RBMS3: variants seen among roughly 807,000 people sequenced by gnomAD.
RBMS3 encodes RNA binding motif single stranded interacting protein 3, also known as RNA-binding motif, single-stranded-interacting protein 3.
Under a neutral mutation model 66.8 loss-of-function variants are expected in RBMS3, and 27 were observed. That is an observed-to-expected ratio of 0.40 (90% confidence interval 0.30 to 0.56). The LOEUF is 0.56. Among genes scored for constraint, RBMS3 ranks in the 20% least tolerant of loss-of-function variants. RBMS3 has a pLI of 0.40. For missense variants in RBMS3, 513 were observed against 549.5 expected, an observed-to-expected ratio of 0.93 and a Z score of 0.66; for synonymous variants, 188 against 183.0, an observed-to-expected ratio of 1.03 and a Z score of -0.22.
intron 1 of RBMS3, among the ~76,000 whole-genome samples, chr3:29,301,483 A>T (rs2125446456): frequency 6.6e-6 from 1 of 152,132 alleles, no homozygotes; most frequent in South Asian, 2.1e-4. Flanking sequence ...GTTATTTTCC[A>T]GGTTTTAGTT....
At chr3:29,793,237 AAAAAGAAAAAGG>A (rs922709144) in intron 6 of RBMS3, among the ~76,000 whole-genome samples, 4 of 91,902 alleles carry the variant, frequency 4.4e-5, no homozygotes, top group African/African-American at 9.0e-5. Context: ...TCTCAAAAAA[AAAAAGAAAAAGG>A]AAAAGAAAAA....
chr3:29,449,300 A>G (rs905052449), intron 2 of RBMS3, among the ~76,000 whole-genome samples: 2 of 152,232 alleles, frequency 1.3e-5, no homozygotes, highest in African/African-American at 4.8e-5. Flanking sequence ...TTCAGCAAAA[A>G]TGTGTTTTGT....
At chr3:29,881,039 G>GCAAT (rs1364034155) in intron 7 of RBMS3, among the ~76,000 whole-genome samples, 1 of 152,054 alleles carries the variant, frequency 6.6e-6, no homozygotes, top group African/African-American at 2.4e-5. Flanking sequence ...GAGGAGCTGG[G>GCAAT]CAATCAAGAT....
chr3:29,656,290 C>CTTTT (rs111367462), intron 4 of RBMS3, among the ~76,000 whole-genome samples: 233 of 152,256 alleles, frequency 1.5e-3, no homozygotes, highest in African/African-American at 5.2e-3. Flanking sequence ...ATTTCAAAAT[C>CTTTT]TTTTATACCA....
At chr3:29,586,614 A>G (rs1204743862) in intron 3 of RBMS3, among the ~76,000 whole-genome samples, 1 of 152,170 alleles carries the variant, frequency 6.6e-6, no homozygotes, top group Non-Finnish European at 1.5e-5. Context: ...ATATTTACTT[A>G]TTCATGAAGT....
chr3:29,412,945 A>G (rs2040326206), intron 1 of RBMS3, among the ~76,000 whole-genome samples: 1 of 152,258 alleles, frequency 6.6e-6, no homozygotes. Flanking sequence ...ATCAGGAGGC[A>G]GTAGACTGCT....
At chr3:29,806,830 C>T (rs959943448) in intron 6 of RBMS3, among the ~76,000 whole-genome samples, 1 of 151,836 alleles carries the variant, frequency 6.6e-6, no homozygotes, top group African/African-American at 2.4e-5. Context: ...GAATGTTGAT[C>T]AAGGAGCTAT....
chr3:29,747,432 AGATAGATAGATAGATAGAT>A (rs945937563), intron 5 of RBMS3, among the ~76,000 whole-genome samples: 4 of 147,268 alleles, frequency 2.7e-5, no homozygotes, highest in African/African-American at 1.0e-4. Context: ...ATAGATAGAT[AGATAGATAGATAGATAGAT>A]GTCAGGTCAC....
At chr3:29,565,940 A>G (rs1371226971) in intron 3 of RBMS3, among the ~76,000 whole-genome samples, 1 of 152,194 alleles carries the variant, frequency 6.6e-6, no homozygotes. Flanking sequence ...TCCTTAAATT[A>G]TAATATAAAA....
At chr3:29,523,498 G>T (rs989165130) in intron 3 of RBMS3, among the ~76,000 whole-genome samples, 3 of 151,920 alleles carry the variant, frequency 2.0e-5, no homozygotes, top group Non-Finnish European at 4.4e-5. Context: ...CATCCACAGG[G>T]TCAAATATCC....
intron 2 of RBMS3, among the ~76,000 whole-genome samples, chr3:29,448,031 C>T (rs2041892377): frequency 1.3e-5 from 2 of 152,154 alleles, no homozygotes; most frequent in Non-Finnish European, 2.9e-5. Flanking sequence ...AAAGAATGGA[C>T]TTGTTTCACT....
intron 4 of RBMS3, among the ~76,000 whole-genome samples, chr3:29,670,042 G>C (rs141686234): frequency 1.3e-5 from 2 of 152,272 alleles, no homozygotes; most frequent in African/African-American, 4.8e-5. Flanking sequence ...TTAACAAAGA[G>C]ATCATTCCAT....
intron 3 of RBMS3, among the ~76,000 whole-genome samples, chr3:29,554,909 A>G (rs2046296161): frequency 1.3e-5 from 2 of 152,162 alleles, no homozygotes; most frequent in Admixed American, 6.5e-5. Context: ...GAATAGGGCC[A>G]TGATTAGATT....
At chr3:29,865,102 G>GGAAGGA in intron 6 of RBMS3, among the ~76,000 whole-genome samples, 1 of 93,982 alleles carries the variant, frequency 1.1e-5, no homozygotes, top group African/African-American at 6.9e-5. Flanking sequence ...GGGAGGGAGG[G>GGAAGGA]AGGGAGGAAG....
chr3:29,731,700 C>G (rs2149336932), intron 4 of RBMS3, among the ~76,000 whole-genome samples: 1 of 152,248 alleles, frequency 6.6e-6, no homozygotes, highest in South Asian at 2.1e-4. Context: ...GTGGGAAGTT[C>G]AGAGCTGATC....
At chr3:29,828,319 G>A (rs1454653375) in intron 6 of RBMS3, among the ~76,000 whole-genome samples, 1 of 151,898 alleles carries the variant, frequency 6.6e-6, no homozygotes, top group East Asian at 1.9e-4. Flanking sequence ...CTTTTTGTTA[G>A]TATTATATTA....
intron 1 of RBMS3, among the ~76,000 whole-genome samples, chr3:29,325,564 G>A (rs1331655932): frequency 1.3e-5 from 2 of 150,034 alleles, no homozygotes; most frequent in African/African-American, 4.9e-5. Flanking sequence ...ATGTGTGTAT[G>A]TATATATATA....
chr3:29,825,750 T>G (rs544771898), intron 6 of RBMS3, among the ~76,000 whole-genome samples: 1 of 152,140 alleles, frequency 6.6e-6, no homozygotes, highest in East Asian at 1.9e-4. Flanking sequence ...AATACACTGG[T>G]TAAGAAATTG....
At chr3:29,296,128 G>A (rs1277832990) in intron 1 of RBMS3, among the ~76,000 whole-genome samples, 3 of 151,700 alleles carry the variant, frequency 2.0e-5, no homozygotes, top group Non-Finnish European at 2.9e-5. Flanking sequence ...CCCAACAAGC[G>A]CTTGGGGTCA....
Sources: gnomAD v4.1 joint callset for allele counts (sites outside exome capture counted in the v4.1 genomes callset) on GRCh38, gnomAD v4.1.1 for gene constraint, MANE v1.5 for transcripts, NCBI Gene and HGNC (gene_info 2026-07-23, HGNC 2026-07-21) for gene names.